Variants in ZBTB8A observed in about 807,000 individuals in gnomAD.
The protein encoded by ZBTB8A is zinc finger and BTB domain containing 8A, also known as zinc finger and BTB domain-containing protein 8A.
Under a neutral mutation model 37.8 loss-of-function variants are expected in ZBTB8A, and 19 were observed. The ratio of observed to expected loss-of-function variants is 0.50; its 90% CI spans 0.35 to 0.74. The LOEUF is 0.74. Ranked by LOEUF, ZBTB8A falls within the 30% of genes least tolerant of loss-of-function variation. ZBTB8A has a pLI of 0.01. For synonymous variants in ZBTB8A, 181 were observed against 185.2 expected (o/e 0.98, Z 0.19); for missense variants, 394 against 537.8 (o/e 0.73, Z 2.65).
At chr1:32,565,779 CTG>C (rs1644273858) in intron 2 of ZBTB8A, among the ~76,000 whole-genome samples, 1 of 152,058 alleles carries the variant, frequency 6.6e-6, no homozygotes, top group African/African-American at 2.4e-5. Context: ...CAAATACTGA[CTG>C]AGCATCTGTA....
intron 1 of ZBTB8A, among the ~76,000 whole-genome samples, chr1:32,549,689 C>A (rs997722945): frequency 6.6e-6 from 1 of 151,970 alleles, no homozygotes; most frequent in African/African-American, 2.4e-5. Context: ...GGGAGTGCAC[C>A]ACTGCACTTC....
At position 32,593,607 on chromosome 1, in the gene ZBTB8A, T is replaced by C. The variant is rs575958537; in HGVS notation, c.676T>C (p.Ser226Pro). ...GCCTTCTGAAGTTACTCATTATAAG[T>C]CAAGCAAACGAGAAGTACGAACATC... ...SQPSEVTHYKSSKREVRTSDS... is the reference protein window; with the variant it reads ...SQPSEVTHYKPSKREVRTSDS... The change falls in exon 3 of 5, where the codon TCA becomes CCA. Residue 226 changes from serine (S) to proline (P), a missense_variant. This residue lies in a region of ZBTB8A where 171 missense variants were observed against 186.8 expected (regional missense o/e 0.92). Transcript: ENST00000373510. 9.9e-5 allele frequency: 159 copies of C among 1,614,202 alleles called. 2 individuals carry two copies. In the South Asian group the frequency reaches 1.4e-3, roughly 14 times the overall value.
chr1:32,560,791 A>G (rs1421904469), intron 2 of ZBTB8A, among the ~76,000 whole-genome samples: 1 of 151,314 alleles, frequency 6.6e-6, no homozygotes, highest in East Asian at 1.9e-4. Flanking sequence ...ATGCCTGGCT[A>G]ATTTTTCTAT....
intron 4 of ZBTB8A, among the ~76,000 whole-genome samples, chr1:32,599,393 A>T (rs779937373): frequency 6.6e-6 from 1 of 151,986 alleles, no homozygotes; most frequent in Non-Finnish European, 1.5e-5. Flanking sequence ...ACTACACCGT[A>T]GCCTGGGTGA....
At chr1:32,588,024 G>A (rs1644461643) in intron 2 of ZBTB8A, among the ~76,000 whole-genome samples, 1 of 152,152 alleles carries the variant, frequency 6.6e-6, no homozygotes, top group Non-Finnish European at 1.5e-5. Context: ...TGGTGCACTT[G>A]GGGAGGGCGT....
At chr1:32,550,754 C>T (rs568613238) in intron 1 of ZBTB8A, among the ~76,000 whole-genome samples, 4 of 152,144 alleles carry the variant, frequency 2.6e-5, no homozygotes, top group African/African-American at 9.6e-5. Context: ...GTCAGGAGTT[C>T]GAGACCAGCT....
chr1:32,549,412 T>G (rs986223046), intron 1 of ZBTB8A, among the ~76,000 whole-genome samples: 7 of 151,480 alleles, frequency 4.6e-5, no homozygotes, highest in African/African-American at 1.5e-4. Flanking sequence ...GAGAATCGCT[T>G]GAACCCAAGA....
intron 2 of ZBTB8A, among the ~76,000 whole-genome samples, chr1:32,573,738 C>CT (rs753573244): frequency 0.26 from 24,954 of 94,928 alleles, 3,496 homozygotes; most frequent in African/African-American, 0.31. Flanking sequence ...CCAGCTAAAA[C>CT]TTTTTTTTTT....
intron 2 of ZBTB8A, among the ~76,000 whole-genome samples, chr1:32,573,432 CTTT>C (rs113989867): frequency 1.6e-5 from 2 of 123,710 alleles, no homozygotes. Flanking sequence ...CTTTCTTCTT[CTTT>C]TTTTTTTTTT....
chr1:32,598,241 T>C (rs1644548018), intron 4 of ZBTB8A, among the ~76,000 whole-genome samples: 1 of 139,478 alleles, frequency 7.2e-6, no homozygotes, highest in Non-Finnish European at 1.6e-5. Context: ...TTTTTTTTTT[T>C]TTTTTTTTTG....
At chr1:32,552,317 T>A (rs1644162922) in intron 1 of ZBTB8A, among the ~76,000 whole-genome samples, 1 of 152,126 alleles carries the variant, frequency 6.6e-6, no homozygotes, top group African/African-American at 2.4e-5. Flanking sequence ...TGAGCCGTGA[T>A]TGTGCCACTG....
rs527722656 is a variant in ZBTB8A, at chr1:32,549,336, A to G, written c.-83-4123A>G. ...TGGTGAAACCCTGTCTCTACTAAAAATATAAAAATTAGCCACGCATGGTGG... is the reference window on the plus strand; with the variant it reads ...TGGTGAAACCCTGTCTCTACTAAAAGTATAAAAATTAGCCACGCATGGTGG... On this transcript the variant is annotated intron_variant, in intron 1 of 4. Transcript: ENST00000373510. 2.4e-4 allele frequency among the ~76,000 whole-genome samples: 36 copies of G among 152,182 alleles called. 1 individual carries two copies. The highest frequency in any genetic ancestry group is 8.7e-4 in the African/African-American group (36 of 41,528).
chr1:32,542,442 C>T (rs1644064029), intron 1 of ZBTB8A, among the ~76,000 whole-genome samples: 1 of 152,098 alleles, frequency 6.6e-6, no homozygotes, highest in Non-Finnish European at 1.5e-5. Flanking sequence ...CACACAGTGG[C>T]AGGCACCTGT....
intron 1 of ZBTB8A, among the ~76,000 whole-genome samples, chr1:32,539,869 G>A (rs1237707876): frequency 7.5e-6 from 1 of 132,748 alleles, no homozygotes; most frequent in African/African-American, 2.8e-5. Flanking sequence ...GGAAGGCGGC[G>A]GGGACGGCGC....
intron 2 of ZBTB8A, among the ~76,000 whole-genome samples, chr1:32,587,600 G>T (rs2148246245): frequency 6.6e-6 from 1 of 152,196 alleles, no homozygotes; most frequent in African/African-American, 2.4e-5. Flanking sequence ...GGACAACATA[G>T]TGAGACTGTA....
At chr1:32,583,660 G>C (rs1644424384) in intron 2 of ZBTB8A, among the ~76,000 whole-genome samples, 1 of 152,032 alleles carries the variant, frequency 6.6e-6, no homozygotes, top group Non-Finnish European at 1.5e-5. Flanking sequence ...ATTAAGACAT[G>C]GTCACTAGGG....
At chr1:32,559,460 TTTTTG>T (rs1320094407) in intron 2 of ZBTB8A, among the ~76,000 whole-genome samples, 1 of 150,336 alleles carries the variant, frequency 6.7e-6, no homozygotes, top group Non-Finnish European at 1.5e-5. Flanking sequence ...TGACAGTATT[TTTTTG>T]TTTTGTTTTG....
At chr1:32,572,596 A>C (rs984476799) in intron 2 of ZBTB8A, among the ~76,000 whole-genome samples, 1 of 152,024 alleles carries the variant, frequency 6.6e-6, no homozygotes. Context: ...GGGTTTCGCC[A>C]TGTTGGCCAG....
chr1:32,572,376 A>C (rs1644328547), intron 2 of ZBTB8A, among the ~76,000 whole-genome samples: 1 of 151,346 alleles, frequency 6.6e-6, no homozygotes, highest in South Asian at 2.1e-4. Context: ...TCAGATTTTT[A>C]ATTTTTTTCT....
Sources: allele counts gnomAD v4.1 joint callset (sites outside exome capture counted in the v4.1 genomes callset), GRCh38; gene constraint gnomAD v4.1.1; regional missense constraint gnomAD v4.1.1; transcripts MANE v1.5; gene names NCBI Gene and HGNC (gene_info 2026-07-23, HGNC 2026-07-21).